PLPPR1: variants seen among roughly 807,000 people sequenced by gnomAD.
PLPPR1 encodes the protein phospholipid phosphatase related 1.
A neutral mutation model predicts 33.1 loss-of-function variants in PLPPR1; 10 were observed. The observed-to-expected ratio is 0.30, with a 90% CI of 0.19 to 0.51. The LOEUF (loss-of-function observed/expected upper bound fraction) is 0.51, where lower values mean the gene tolerates loss of function less well. Among genes scored for constraint, PLPPR1 ranks in the 20% least tolerant of loss-of-function variants. PLPPR1 has a pLI of 0.97. For missense variants in PLPPR1, 304 were observed against 408.1 expected (o/e 0.74, Z 2.20); for synonymous variants, 151 against 151.0 (o/e 1.00, Z 0.00).
intron 1 of PLPPR1, among the ~76,000 whole-genome samples, chr9:101,046,113 T>C (rs1830140091): frequency 6.6e-6 from 1 of 152,212 alleles, no homozygotes; most frequent in Non-Finnish European, 1.5e-5. Flanking sequence ...GTGCACTGCA[T>C]TGAGGCCCTA....
At chr9:101,032,167 A>G (rs1829953186) in intron 1 of PLPPR1, among the ~76,000 whole-genome samples, 1 of 152,212 alleles carries the variant, frequency 6.6e-6, no homozygotes, top group Non-Finnish European at 1.5e-5. Flanking sequence ...AGCAAGAGAC[A>G]TAAGCAGCAA....
intron 2 of PLPPR1, among the ~76,000 whole-genome samples, chr9:101,254,998 A>G (rs1588097154): frequency 6.6e-6 from 1 of 152,182 alleles, no homozygotes; most frequent in Non-Finnish European, 1.5e-5. Context: ...TTGGCTGTGC[A>G]TGGTGTTTCC....
chr9:101,316,261 C>G (rs776430465), intron 6 of PLPPR1, among the ~76,000 whole-genome samples: 4 of 151,928 alleles, frequency 2.6e-5, no homozygotes, highest in Admixed American at 1.3e-4. Flanking sequence ...ACGGTGAAAC[C>G]CCGTCTCTAC....
At chr9:101,295,277 A>G (rs1438659334) in intron 4 of PLPPR1, among the ~76,000 whole-genome samples, 2 of 151,880 alleles carry the variant, frequency 1.3e-5, no homozygotes, top group African/African-American at 4.8e-5. Flanking sequence ...GAGAACTACA[A>G]ACCGCTGCTC....
chr9:101,032,659 A>G (rs1721492771), intron 1 of PLPPR1, among the ~76,000 whole-genome samples: 1 of 152,184 alleles, frequency 6.6e-6, no homozygotes, highest in African/African-American at 2.4e-5. Flanking sequence ...TCCAGCCATG[A>G]GGTGATGATT....
chr9:101,033,739 T>C (rs1829975426), intron 1 of PLPPR1, among the ~76,000 whole-genome samples: 2 of 152,152 alleles, frequency 1.3e-5, no homozygotes. Flanking sequence ...ACAACACCTA[T>C]GACTCCTATT....
At chr9:101,131,690 A>C (rs991423237) in intron 1 of PLPPR1, 9 of 152,236 alleles carry the variant, frequency 5.9e-5, no homozygotes, top group Non-Finnish European at 1.2e-4. Flanking sequence ...ACAGAGTCTG[A>C]GAAAGGTACA....
intron 2 of PLPPR1, among the ~76,000 whole-genome samples, chr9:101,245,250 AAAG>A (rs1827566847): frequency 6.6e-6 from 1 of 152,014 alleles, no homozygotes; most frequent in South Asian, 2.1e-4. Flanking sequence ...ATAGCAAAAA[AAAG>A]AGCTCAATTT....
At chr9:101,169,269 C>G (rs1183800835) in intron 1 of PLPPR1, among the ~76,000 whole-genome samples, 1 of 152,084 alleles carries the variant, frequency 6.6e-6, no homozygotes, top group Non-Finnish European at 1.5e-5. Context: ...TTTCTTTCAG[C>G]CTTTGATTTT....
chr9:101,151,749 C>T (rs1412764376), intron 1 of PLPPR1, among the ~76,000 whole-genome samples: 3 of 152,152 alleles, frequency 2.0e-5, no homozygotes, highest in East Asian at 1.9e-4. Flanking sequence ...ACCCTTAGGT[C>T]GAACATGGCC....
intron 3 of PLPPR1, among the ~76,000 whole-genome samples, chr9:101,271,331 G>A (rs1004660368): frequency 2.3e-4 from 35 of 152,132 alleles, no homozygotes; most frequent in African/African-American, 6.8e-4. Flanking sequence ...ATGACTTAGC[G>A]CAGTGCCTGG....
chr9:101,148,782 T>A (rs1300755930), intron 1 of PLPPR1, among the ~76,000 whole-genome samples: 1 of 152,136 alleles, frequency 6.6e-6, no homozygotes, highest in Non-Finnish European at 1.5e-5. Flanking sequence ...CCACCTTACC[T>A]TCTAGTACTC....
chr9:101,129,107 A>G (rs1275337046), intron 1 of PLPPR1, among the ~76,000 whole-genome samples: 3 of 152,174 alleles, frequency 2.0e-5, no homozygotes, highest in Non-Finnish European at 4.4e-5. Context: ...CATATAGGGT[A>G]GAGTTCCTTG....
intron 1 of PLPPR1, among the ~76,000 whole-genome samples, chr9:101,141,553 T>C (rs1831450869): frequency 6.6e-6 from 1 of 152,210 alleles, no homozygotes; most frequent in African/African-American, 2.4e-5. Context: ...ATGGTGAATT[T>C]TTCCTAACAT....
chr9:101,220,287 G>A (rs1397457037), intron 2 of PLPPR1, among the ~76,000 whole-genome samples: 1 of 152,156 alleles, frequency 6.6e-6, no homozygotes, highest in Non-Finnish European at 1.5e-5. Flanking sequence ...TGTTAAAAAT[G>A]TCATTTAATT....
At chr9:101,113,298 C>T (rs988725411) in intron 1 of PLPPR1, among the ~76,000 whole-genome samples, 23 of 150,796 alleles carry the variant, frequency 1.5e-4, no homozygotes, top group African/African-American at 4.9e-4. Context: ...CAAAACTAAA[C>T]GAAACAAAAC....
chr9:101,034,582 G>A lies in PLPPR1; in HGVS notation c.-46+5480G>A, dbSNP rs1180030003. ...TGGCTCTGCCACTTATAAACTGTGC[G>A]ACTTTGGGCACACAGTTTACTTCTC... is the stretch of plus-strand genomic sequence containing the variant. On this transcript the variant is annotated intron_variant, in intron 1 of 7. Coordinates refer to ENST00000374874, the MANE Select transcript of PLPPR1 (RefSeq NM_207299.2). Among the ~76,000 whole-genome samples the A allele has an allele frequency of 3.9e-5, 6 of 152,126 alleles. No homozygotes were observed. In the South Asian group the frequency reaches 8.3e-4, roughly 21 times the overall value.
intron 2 of PLPPR1, among the ~76,000 whole-genome samples, chr9:101,238,202 A>G (rs558791118): frequency 5.1e-5 from 7 of 136,242 alleles, no homozygotes; most frequent in Non-Finnish European, 9.6e-5. Flanking sequence ...TATATACCCT[A>G]TATATATACC....
intron 2 of PLPPR1, among the ~76,000 whole-genome samples, chr9:101,228,357 A>AT: frequency 6.6e-6 from 1 of 152,140 alleles, no homozygotes; most frequent in South Asian, 2.1e-4. Flanking sequence ...CAAACACTGG[A>AT]TTTTAAAAGC....
Sources: gnomAD v4.1 joint callset for allele counts (sites outside exome capture counted in the v4.1 genomes callset) on GRCh38, gnomAD v4.1.1 for gene constraint, MANE v1.5 for transcripts, NCBI Gene and HGNC (gene_info 2026-07-23, HGNC 2026-07-21) for gene names.